The following BCL2L11 variants were observed in gnomAD, a reference collection of about 807,000 sequenced individuals.
BCL2L11 encodes the protein BCL2 like 11, also known as bcl-2-like protein 11.
BCL2L11 carries 15 observed loss-of-function variants against 20.6 expected under a neutral mutation model. The ratio of observed to expected loss-of-function variants is 0.73; its 90% CI spans 0.49 to 1.12. The LOEUF (loss-of-function observed/expected upper bound fraction) is 1.12. BCL2L11 is among the 50% of genes most tolerant of loss of function. BCL2L11 has a pLI of 0.00. For synonymous variants in BCL2L11, 108 were observed against 92.8 expected (o/e 1.16, Z -0.94); for missense variants, 292 against 260.9 (o/e 1.12, Z -0.82).
chr2:111,132,120 G>A (rs2074068489), intron 2 of BCL2L11: 1 of 152,152 alleles, frequency 6.6e-6, no homozygotes, highest in African/African-American at 2.4e-5. Context: ...CAGTGGGTGT[G>A]CTTCATTTTG....
At chr2:111,138,389 T>G (rs2075288171) in intron 2 of BCL2L11, among the ~76,000 whole-genome samples, 1 of 152,246 alleles carries the variant, frequency 6.6e-6, no homozygotes. Flanking sequence ...AGAACAGATT[T>G]AATAGATAAT....
At chr2:111,144,456 G>T (rs1426687943) in intron 2 of BCL2L11, 1 of 1,550,180 alleles carries the variant, frequency 6.5e-7, no homozygotes, top group African/African-American at 1.4e-5. Flanking sequence ...TACCGCAAAC[G>T]CTGATGGCAG....
chr2:111,142,028 C>G (rs1201346114), intron 2 of BCL2L11, among the ~76,000 whole-genome samples: 1 of 152,174 alleles, frequency 6.6e-6, no homozygotes, highest in African/African-American at 2.4e-5. Context: ...ATCTGTATCA[C>G]ACAGTGTGTT....
intron 2 of BCL2L11, among the ~76,000 whole-genome samples, chr2:111,135,918 G>T (rs1306156804): frequency 1.3e-5 from 2 of 152,224 alleles, no homozygotes; most frequent in African/African-American, 4.8e-5. Context: ...TGGCAGGGCA[G>T]CCGGATCACC....
chr2:111,154,052 A>G, intron 3 of BCL2L11: 1 of 927,280 alleles, frequency 1.1e-6, no homozygotes, highest in Non-Finnish European at 1.4e-6. Flanking sequence ...TTTGGAAATA[A>G]TTTCAGACTT....
At position 111,146,299 on chromosome 2, in the gene BCL2L11, T is replaced by C. The variant is rs1050040616; in HGVS notation, c.395-3745T>C. 7 of 911,002 alleles carry C rather than the reference T, an allele frequency of 7.7e-6. No homozygotes were observed. The African/African-American group carries it at 1.1e-4, about 14-fold the overall frequency. 56.4% of individuals were successfully genotyped at this position (911,002 alleles called of 1,614,324 possible). A position where few individuals can be genotyped will look rare whatever the true frequency, so the allele number is the denominator to read the frequency against. ...CATTTTATAGACCAGGTATCAACAT[T>C]TACGGCGGTCAGACACATTGCAGAT... is the stretch of plus-strand genomic sequence containing the variant. On this transcript the variant is annotated intron_variant, in intron 2 of 3. Coordinates refer to ENST00000393256, the MANE Select transcript of BCL2L11 (RefSeq NM_138621.5).
chr2:111,124,025 A>G lies in BCL2L11; in HGVS notation c.280A>G (p.Ser94Gly). 1 of 1,614,194 alleles carries G rather than the reference A, an allele frequency of 6.2e-7. No individual in the cohort carries two copies. Among genetic ancestry groups the G allele is most frequent in the South Asian group, 1.1e-5 (1 of 91,090 alleles). ...RRSSLLSRSS[S>G]GYFSFDTDRS... ...ATCCTCCCTGCTGTCTCGATCCTCC[A>G]GTGGGTATTTCTCTTTTGACACAGA... The change falls in exon 2 of 4, where the codon AGT becomes GGT. Residue 94 changes from serine to glycine, a missense_variant. Physicochemically the swap from Ser to Gly is moderately conservative, Grantham distance 56 (BLOSUM62 0). Coordinates refer to ENST00000393256, the MANE Select transcript of BCL2L11 (RefSeq NM_138621.5).
At chr2:111,151,427 T>C (rs1575147652) in intron 3 of BCL2L11, among the ~76,000 whole-genome samples, 2 of 152,250 alleles carry the variant, frequency 1.3e-5, no homozygotes, top group African/African-American at 4.8e-5. Flanking sequence ...GTTGTTAATA[T>C]CATTTATTCT....
intron 2 of BCL2L11, among the ~76,000 whole-genome samples, chr2:111,124,417 A>C (rs184689289): frequency 6.6e-6 from 1 of 151,992 alleles, no homozygotes; most frequent in Non-Finnish European, 1.5e-5. Context: ...CAGCCTCCAG[A>C]GTAGCTGGGA....
At chr2:111,122,944 C>G in intron 1 of BCL2L11, 1 of 985,464 alleles carries the variant, frequency 1.0e-6, no homozygotes, top group Non-Finnish European at 1.2e-6. Context: ...GTGTGATTGC[C>G]TTCTGAGGGG....
chr2:111,129,967 A>C (rs1457856141), intron 2 of BCL2L11, among the ~76,000 whole-genome samples: 3 of 152,208 alleles, frequency 2.0e-5, no homozygotes, highest in African/African-American at 7.2e-5. Flanking sequence ...TTATTGCTGA[A>C]TAGTATTCCA....
At chr2:111,128,758 T>C (rs2073243199) in intron 2 of BCL2L11, 1 of 1,545,142 alleles carries the variant, frequency 6.5e-7, no homozygotes, top group Non-Finnish European at 8.7e-7. Context: ...ATGATACCTT[T>C]TTATAGCCAC....
chr2:111,122,650 G>A (rs1038031727), intron 1 of BCL2L11: 1 of 984,144 alleles, frequency 1.0e-6, no homozygotes, highest in Non-Finnish European at 1.2e-6. Context: ...GGGAGGAGGC[G>A]GAGGATGTTC....
chr2:111,123,371 C>G, intron 1 of BCL2L11: 1 of 985,502 alleles, frequency 1.0e-6, no homozygotes, highest in Non-Finnish European at 1.2e-6. Flanking sequence ...CCTACCTAAC[C>G]CCGGGAAGTC....
chr2:111,123,556 A>G (rs1360771409), intron 1 of BCL2L11, 177 bp from the exon 2 acceptor site: 10 of 976,176 alleles, frequency 1.0e-5, no homozygotes, highest in Non-Finnish European at 1.2e-5. Context: ...CCAAAAAAAA[A>G]TTACACCTTT....
intron 1 of BCL2L11, chr2:111,122,960 C>A (rs1159284431): frequency 1.0e-6 from 1 of 985,398 alleles, no homozygotes; most frequent in Non-Finnish European, 1.2e-6. Context: ...AGGGGAGGGT[C>A]TGTGGGATGA....
At chr2:111,121,579 C>T (rs1430413263) in intron 1 of BCL2L11, among the ~76,000 whole-genome samples, 1 of 152,170 alleles carries the variant, frequency 6.6e-6, no homozygotes, top group Non-Finnish European at 1.5e-5. Flanking sequence ...GCCGCCGGCT[C>T]CGGCGCCCTC....
chr2:111,134,508 T>C (rs2074509224), intron 2 of BCL2L11, among the ~76,000 whole-genome samples: 1 of 152,216 alleles, frequency 6.6e-6, no homozygotes, highest in South Asian at 2.1e-4. Context: ...TCCATGTACA[T>C]TGAGCACTGA....
At chr2:111,138,012 CTT>C (rs66601807) in intron 2 of BCL2L11, among the ~76,000 whole-genome samples, 71 of 127,108 alleles carry the variant, frequency 5.6e-4, no homozygotes, top group Non-Finnish European at 6.7e-4. Context: ...TTCTTTCTTT[CTT>C]TTTTTTTTTT....
Sources: gnomAD v4.1 joint callset for allele counts (sites outside exome capture counted in the v4.1 genomes callset) on GRCh38, gnomAD v4.1.1 for gene constraint, MANE v1.5 for transcripts, NCBI Gene and HGNC (gene_info 2026-07-23, HGNC 2026-07-21) for gene names.